CAMK1D: variants seen among roughly 807,000 people sequenced by gnomAD.
CAMK1D encodes calcium/calmodulin-dependent protein kinase type 1D.
Under a neutral mutation model 47.7 loss-of-function variants are expected in CAMK1D, and 9 were observed. The observed-to-expected ratio is 0.19, with a 90% CI of 0.11 to 0.33. The LOEUF is 0.33. Among genes scored for constraint, CAMK1D ranks in the 10% least tolerant of loss-of-function variants. CAMK1D has a pLI of 1.00. For synonymous variants in CAMK1D, 184 were observed against 184.9 expected (o/e 0.99, Z 0.04); for missense variants, 291 against 488.7 (o/e 0.60, Z 3.81).
chr10:12,590,946 T>C (rs146185143), intron 2 of CAMK1D, among the ~76,000 whole-genome samples: 60 of 152,366 alleles, frequency 3.9e-4, no homozygotes, highest in Non-Finnish European at 4.7e-4. Context: ...TTTAGCTACC[T>C]ATTGTGGTAC....
intron 2 of CAMK1D, among the ~76,000 whole-genome samples, chr10:12,649,577 T>C (rs17495691): frequency 0.085 from 12,952 of 152,278 alleles, 811 homozygotes; most frequent in Admixed American, 0.14. Flanking sequence ...TCTGGAGATA[T>C]AGGAATACGC....
At chr10:12,469,369 G>A (rs558937186) in intron 1 of CAMK1D, among the ~76,000 whole-genome samples, 3 of 135,840 alleles carry the variant, frequency 2.2e-5, no homozygotes, top group Admixed American at 8.9e-5. Context: ...GCCCATACAA[G>A]GTGCTCATGC....
Position 12,764,123 on chromosome 10 carries a change from G to C in CAMK1D, c.438+3037G>C, listed in dbSNP as rs182075453. Reference sequence around the variant, plus strand: ...TGGCTGGGCGCGGAGGCTCACGCCTGTAATCCCAGCACTTTGGGAGGCGGA... The same window carrying C: ...TGGCTGGGCGCGGAGGCTCACGCCTCTAATCCCAGCACTTTGGGAGGCGGA... On this transcript the variant is annotated intron_variant, in intron 4 of 10. Transcript: ENST00000619168. Among the ~76,000 whole-genome samples the C allele has an allele frequency of 7.1e-3, 1,075 of 152,350 alleles. 9 individuals are homozygous for C. Among genetic ancestry groups the C allele is most frequent in the Non-Finnish European group, 7.4e-3 (501 of 68,042 alleles).
At chr10:12,632,126 C>T (rs1839398295) in intron 2 of CAMK1D, among the ~76,000 whole-genome samples, 1 of 152,224 alleles carries the variant, frequency 6.6e-6, no homozygotes, top group South Asian at 2.1e-4. Flanking sequence ...ATTCAACTCA[C>T]TACAGGCTTC....
intron 3 of CAMK1D, among the ~76,000 whole-genome samples, chr10:12,757,046 C>A (rs1421296371): frequency 1.3e-5 from 2 of 152,208 alleles, no homozygotes; most frequent in African/African-American, 4.8e-5. Context: ...TCTTCTGCTT[C>A]CTTAATCTTT....
At chr10:12,420,631 A>G (rs1378319190) in intron 1 of CAMK1D, among the ~76,000 whole-genome samples, 1 of 152,064 alleles carries the variant, frequency 6.6e-6, no homozygotes, top group African/African-American at 2.4e-5. Flanking sequence ...CATATTTCTA[A>G]CAGCCTCTGT....
At chr10:12,618,050 G>C (rs1160375125) in intron 2 of CAMK1D, among the ~76,000 whole-genome samples, 7 of 129,588 alleles carry the variant, frequency 5.4e-5, no homozygotes, top group Non-Finnish European at 1.1e-4. Flanking sequence ...TACATATTTT[G>C]TATTAATTCA....
chr10:12,414,772 T>A (rs1444855386), intron 1 of CAMK1D, among the ~76,000 whole-genome samples: 3 of 152,232 alleles, frequency 2.0e-5, no homozygotes, highest in Non-Finnish European at 4.4e-5. Context: ...CCTAGCTTTT[T>A]GCCTTGATTA....
chr10:12,831,392 A>C lies in CAMK1D; in HGVS notation c.*2505A>C, dbSNP rs764945095. The stretch of plus-strand genomic sequence containing the variant: ...CGAATCTGGTACCTAGGATGAGTAC[A>C]TGAATAGTGATGAATAGCCCTTTGT... On this transcript the variant is annotated 3_prime_UTR_variant, in exon 11 of 11. Transcript: ENST00000619168. The C allele has an allele frequency of 6.6e-6, 1 of 152,252 alleles. No homozygotes were observed. The highest frequency in any genetic ancestry group is 1.5e-5 in the Non-Finnish European group (1 of 68,050). 9.4% of individuals were successfully genotyped at this position (152,252 alleles called of 1,614,324 possible). A position where few individuals can be genotyped will look rare whatever the true frequency, so the allele number is the denominator to read the frequency against.
rs575718177 is a variant in CAMK1D at position 12,368,401 on chromosome 10, A to G, written c.92+18491A>G. On this transcript the variant is annotated intron_variant, in intron 1 of 10. Transcript: ENST00000619168. ...AGCCTGGGTCAAACAGCAAGACCCT[A>G]TTAAAAAAAAAAAAGTTTGTTGGGT... Among the ~76,000 whole-genome samples the G allele has an allele frequency of 4.0e-3, 607 of 151,484 alleles. 1 individual carries two copies. Among genetic ancestry groups the G allele is most frequent in the Non-Finnish European group, 7.0e-3 (474 of 67,918 alleles).
chr10:12,618,145 C>G (rs1454211792), intron 2 of CAMK1D, among the ~76,000 whole-genome samples: 1 of 152,178 alleles, frequency 6.6e-6, no homozygotes, highest in Non-Finnish European at 1.5e-5. Flanking sequence ...CTCTGTGTCT[C>G]TCTCTCCTCT....
At chr10:12,540,718 T>C (rs1836140618) in intron 1 of CAMK1D, among the ~76,000 whole-genome samples, 1 of 152,168 alleles carries the variant, frequency 6.6e-6, no homozygotes, top group African/African-American at 2.4e-5. Context: ...CTCATCATGG[T>C]TCTTGAAGCT....
intron 6 of CAMK1D, among the ~76,000 whole-genome samples, chr10:12,794,523 G>A (rs544239340): frequency 2.4e-4 from 37 of 152,256 alleles, no homozygotes; most frequent in Non-Finnish European, 1.2e-4. Flanking sequence ...TATGATTTCC[G>A]TATGCACTGC....
Position 12,595,342 on chromosome 10 carries a change from G to GAAAAAAAAAAAAAAAAAAA in CAMK1D, c.224+41990_224+42008dup, listed in dbSNP as rs535214333. Among the ~76,000 whole-genome samples the GAAAAAAAAAAAAAAAAAAA allele has an allele frequency of 2.9e-3, 69 of 23,564 alleles. 24 individuals carry two copies. The highest frequency in any genetic ancestry group is 4.0e-3 in the Non-Finnish European group (58 of 14,356). 15.5% of individuals were successfully genotyped at this position (23,564 alleles called of 152,430 possible). A position where few individuals can be genotyped will look rare whatever the true frequency, so the allele number is the denominator to read the frequency against. ...GGGCAACAAGAGTGAAACTCCATCTGAAAAAAAAAAAAAAAAAAAAAAGGA... is the reference window on the plus strand; with the variant it reads ...GGGCAACAAGAGTGAAACTCCATCTGAAAAAAAAAAAAAAAAAAAAAAAAAAAAAAAAAAAAAAAAAGGA... On this transcript the variant is annotated intron_variant, in intron 2 of 10. Coordinates refer to ENST00000619168, the MANE Select transcript of CAMK1D (RefSeq NM_153498.4).
rs189141886 is a variant in CAMK1D at position 12,586,282 on chromosome 10, C to T, written c.224+32926C>T. 1.9e-3 allele frequency among the ~76,000 whole-genome samples: 290 copies of T among 152,046 alleles called. 5 individuals are homozygous for T. Among genetic ancestry groups the T allele is most frequent in the Non-Finnish European group, 2.5e-3 (171 of 67,976 alleles). ...CATTTCTGTCATGGCTAAAGAAAGT[C>T]GATTCCAGTCCACTGAAGCTGAAGA... On this transcript the variant is annotated intron_variant, in intron 2 of 10. Transcript: ENST00000619168.
chr10:12,693,691 A>G (rs1015847395), intron 3 of CAMK1D, among the ~76,000 whole-genome samples: 1 of 150,892 alleles, frequency 6.6e-6, no homozygotes, highest in Non-Finnish European at 1.5e-5. Flanking sequence ...TGTTGATTTC[A>G]TACACAAAAC....
chr10:12,802,029 G>A (rs751686532), intron 6 of CAMK1D, among the ~76,000 whole-genome samples: 1 of 151,982 alleles, frequency 6.6e-6, no homozygotes, highest in Non-Finnish European at 1.5e-5. Context: ...TCTCCTTCAT[G>A]GCCTTTTCTC....
intron 3 of CAMK1D, among the ~76,000 whole-genome samples, chr10:12,743,226 A>G (rs918634776): frequency 6.6e-6 from 1 of 152,114 alleles, no homozygotes; most frequent in Non-Finnish European, 1.5e-5. Context: ...AGGCACCTGT[A>G]ATCTTAGCTA....
chr10:12,591,279 G>A (rs1425558428), intron 2 of CAMK1D, among the ~76,000 whole-genome samples: 2 of 152,096 alleles, frequency 1.3e-5, no homozygotes, highest in East Asian at 1.9e-4. Context: ...CAATTGGCCC[G>A]GCATGCCCAG....
Sources: allele counts gnomAD v4.1 joint callset (sites outside exome capture counted in the v4.1 genomes callset), GRCh38; gene constraint gnomAD v4.1.1; transcripts MANE v1.5; gene names NCBI Gene and HGNC (gene_info 2026-07-23, HGNC 2026-07-21).